TMEM131: variants seen among roughly 807,000 people sequenced by gnomAD.
TMEM131 encodes transmembrane protein 131.
TMEM131 carries 66 observed loss-of-function variants against 211.6 expected under a neutral mutation model. The observed-to-expected ratio is 0.31, with a 90% CI of 0.26 to 0.38. The LOEUF is 0.38. Among genes scored for constraint, TMEM131 ranks in the 10% least tolerant of loss-of-function variants. The pLI is 1.00. For synonymous variants in TMEM131, 844 were observed against 841.3 expected (o/e 1.00, Z -0.06); for missense variants, 2,036 against 2,299.3 (o/e 0.89, Z 2.34).
intron 1 of TMEM131, among the ~76,000 whole-genome samples, chr2:97,950,810 G>A (rs142476817): frequency 4.9e-4 from 75 of 152,154 alleles, no homozygotes; most frequent in African/African-American, 1.5e-3. Flanking sequence ...ATGAAAAACT[G>A]CTCAGCCATC....
chr2:97,860,254 T>C (rs563967257), intron 4 of TMEM131, among the ~76,000 whole-genome samples: 2 of 152,296 alleles, frequency 1.3e-5, no homozygotes, highest in Admixed American at 1.3e-4. Flanking sequence ...CAAGTAACCC[T>C]GTTTTCAATC....
intron 1 of TMEM131, among the ~76,000 whole-genome samples, chr2:97,989,073 C>T (rs1388598744): frequency 6.6e-6 from 1 of 152,108 alleles, no homozygotes; most frequent in African/African-American, 2.4e-5. Flanking sequence ...ATAATTCAAC[C>T]TTAAAAAGGA....
chr2:97,951,834 G>C (rs1678331595), intron 1 of TMEM131, among the ~76,000 whole-genome samples: 1 of 152,172 alleles, frequency 6.6e-6, no homozygotes, highest in African/African-American at 2.4e-5. Flanking sequence ...TACCATACAG[G>C]ATCAGTGAAC....
chr2:97,893,044 C>T (rs140102852), intron 3 of TMEM131, among the ~76,000 whole-genome samples: 4,443 of 152,228 alleles, frequency 0.029, 79 homozygotes, highest in Middle Eastern at 0.065. Flanking sequence ...CTATCCCTCC[C>T]CTAGCCGCCC....
chr2:97,923,206 G>A (rs1012409134), intron 2 of TMEM131, among the ~76,000 whole-genome samples: 1 of 152,228 alleles, frequency 6.6e-6, no homozygotes, highest in African/African-American at 2.4e-5. Context: ...CTGGAACCCA[G>A]GAGGCAGAGG....
rs544774032 is a variant in TMEM131 at position 97,975,146 on chromosome 2, G to A, written c.187+20330C>T. Among the ~76,000 whole-genome samples the A allele has an allele frequency of 5.3e-5, 8 of 151,930 alleles. No homozygotes were observed. In the South Asian group the frequency reaches 1.7e-3, roughly 32 times the overall value. The stretch of plus-strand genomic sequence containing the variant: ...TTAAATTATGTATCAATAACAAAAA[G>A]ATCTTTGATAAATACCCAAAGACCT... On this transcript the variant is annotated intron_variant, in intron 1 of 40. Coordinates refer to ENST00000186436, the MANE Select transcript of TMEM131 (RefSeq NM_015348.2).
intron 1 of TMEM131, among the ~76,000 whole-genome samples, chr2:97,986,458 C>G (rs1372089352): frequency 6.6e-6 from 1 of 152,186 alleles, no homozygotes; most frequent in Non-Finnish European, 1.5e-5. Context: ...ATTTTATAAT[C>G]TGTTTTATTC....
intron 31 of TMEM131, among the ~76,000 whole-genome samples, chr2:97,780,948 C>A (rs766818936): frequency 9.9e-5 from 15 of 152,172 alleles, no homozygotes; most frequent in South Asian, 2.1e-4. Context: ...CTTGGTAGAG[C>A]AGCCAGGTTC....
intron 2 of TMEM131, chr2:97,911,521 G>T: frequency 2.1e-6 from 1 of 471,106 alleles, no homozygotes; most frequent in Non-Finnish European, 2.8e-6. Context: ...TACAGAAAAG[G>T]AACTCAGGAC....
At chr2:97,787,058 C>T (rs969043050) in intron 31 of TMEM131, among the ~76,000 whole-genome samples, 15 of 152,202 alleles carry the variant, frequency 9.9e-5, no homozygotes, top group African/African-American at 3.6e-4. Context: ...AACTAAAAAA[C>T]AGATGAAACA....
At chr2:97,878,644 C>T (rs1156943681) in intron 4 of TMEM131, among the ~76,000 whole-genome samples, 1 of 152,032 alleles carries the variant, frequency 6.6e-6, no homozygotes, top group Non-Finnish European at 1.5e-5. Flanking sequence ...GGGAGTTGAA[C>T]AATGAGAACA....
At position 97,950,157 on chromosome 2, in the gene TMEM131, C is replaced by A. The variant is rs1369738911; in HGVS notation, c.188-22670G>T. ...AAAAATACATCTATACATATAGATA[C>A]CTTATCAAGCCAATATTTAACCACT... is the stretch of plus-strand genomic sequence containing the variant. On this transcript the variant is annotated intron_variant, in intron 1 of 40. Coordinates refer to ENST00000186436, the MANE Select transcript of TMEM131 (RefSeq NM_015348.2). Among the ~76,000 whole-genome samples the A allele has an allele frequency of 2.0e-5, 3 of 152,186 alleles. No individual in the cohort carries two copies. The East Asian group carries it at 5.8e-4, about 29-fold the overall frequency.
chr2:97,795,154 AT>A, intron 28 of TMEM131, 39 bp from the exon 29 acceptor site: 1 of 1,498,270 alleles, frequency 6.7e-7, no homozygotes, highest in Non-Finnish European at 9.2e-7. Context: ...AGTTTTAAAA[AT>A]ATCTCACAAG....
chr2:97,980,025 A>G (rs1400731632), intron 1 of TMEM131, among the ~76,000 whole-genome samples: 2 of 152,208 alleles, frequency 1.3e-5, no homozygotes, highest in Non-Finnish European at 2.9e-5. Context: ...AGAAAACGAC[A>G]GCCTGAGGAG....
Position 97,757,206 on chromosome 2 carries a change from C to A in TMEM131, c.5545G>T (p.Ala1849Ser). Residue 1849 changes from alanine to serine, a missense_variant, in exon 41 of 41, where the codon GCT (alanine) becomes TCT (serine). Physicochemically the swap from Ala to Ser is moderately conservative, Grantham distance 99. This residue lies in a region of TMEM131 where 1,623 missense variants were observed against 1,805.9 expected (regional missense o/e 0.90). Transcript: ENST00000186436. ...APHAPSTSSPADDLGQTYNPW... is the reference protein window; with the variant it reads ...APHAPSTSSPSDDLGQTYNPW... ...TTGTAGGTCTGTCCCAAGTCGTCAG[C>A]TGGACTGGAGGTGGAGGGAGCGTGA... The A allele has an allele frequency of 3.7e-6, 6 of 1,614,006 alleles. No homozygotes were observed. Among genetic ancestry groups the A allele is most frequent in the Non-Finnish European group, 5.1e-6 (6 of 1,179,888 alleles).
rs1265100984 is a variant in TMEM131 at position 97,995,763 on chromosome 2, C to G, written c.-101G>C. ...GTGGTCCGGGCTCTGGCCGCGGCGC[C>G]GGGAGCGACAACGGTTGCGAGCCCG... On this transcript the variant is annotated 5_prime_UTR_variant, in exon 1 of 41. Transcript: ENST00000186436. 8 of 926,022 alleles carry G rather than the reference C, an allele frequency of 8.6e-6. No individual in the cohort carries two copies. Among genetic ancestry groups the G allele is most frequent in the Non-Finnish European group, 1.1e-5 (8 of 741,206 alleles). 57.4% of individuals were successfully genotyped at this position (926,022 alleles called of 1,614,324 possible).
intron 1 of TMEM131, among the ~76,000 whole-genome samples, chr2:97,973,603 G>C (rs548418707): frequency 1.3e-5 from 2 of 152,154 alleles, no homozygotes; most frequent in Non-Finnish European, 2.9e-5. Context: ...TTGAGTCCTC[G>C]GTGAAGTACT....
intron 4 of TMEM131, among the ~76,000 whole-genome samples, chr2:97,881,707 C>CA (rs1205367293): frequency 0.011 from 606 of 55,262 alleles, 11 homozygotes; most frequent in Middle Eastern, 0.025. Context: ...TGGATAACTG[C>CA]AAAAAAAAAA....
chr2:97,781,771 G>C (rs919291327), intron 31 of TMEM131, among the ~76,000 whole-genome samples: 9 of 152,222 alleles, frequency 5.9e-5, no homozygotes, highest in African/African-American at 2.2e-4. Context: ...AGGCATGATA[G>C]TAAGATTCCT....
Sources: allele counts gnomAD v4.1 joint callset (sites outside exome capture counted in the v4.1 genomes callset), GRCh38; gene constraint gnomAD v4.1.1; regional missense constraint gnomAD v4.1.1; transcripts MANE v1.5; gene names NCBI Gene and HGNC (gene_info 2026-07-23, HGNC 2026-07-21).